The following CLMN variants were observed in gnomAD, a reference collection of about 807,000 sequenced individuals.
CLMN encodes the protein calmin, also known as calmin (calponin-like, transmembrane).
In CLMN, 57 loss-of-function variants were observed where a neutral mutation model predicts 92.7. The observed-to-expected ratio is 0.61, with a 90% CI of 0.50 to 0.77. The LOEUF (loss-of-function observed/expected upper bound fraction) is 0.77. Among genes scored for constraint, CLMN ranks in the 30% least tolerant of loss-of-function variants. The pLI is 0.00. For synonymous variants in CLMN, 466 were observed against 470.6 expected (o/e 0.99, Z 0.13); for missense variants, 1,158 against 1,237.5 (o/e 0.94, Z 0.96).
At chr14:95,193,399 G>A in intron 12 of CLMN, 1 of 1,534,060 alleles carries the variant, frequency 6.5e-7, no homozygotes, top group Non-Finnish European at 8.7e-7. Flanking sequence ...AGCTCAGTAA[G>A]CTTCTGAGTA....
intron 1 of CLMN, among the ~76,000 whole-genome samples, chr14:95,232,639 G>C (rs1311949237): frequency 6.6e-6 from 1 of 152,180 alleles, no homozygotes; most frequent in African/African-American, 2.4e-5. Context: ...TGTGTTTCAC[G>C]GGTGAGAGGG....
chr14:95,230,933 G>C (rs1284948079), intron 1 of CLMN, among the ~76,000 whole-genome samples: 3 of 152,250 alleles, frequency 2.0e-5, no homozygotes, highest in Non-Finnish European at 4.4e-5. Flanking sequence ...TCCCAGGGGA[G>C]AGCATTACCC....
chr14:95,186,645 A>ACCT lies in CLMN; in HGVS notation c.*4916_*4918dup. 1 of 152,322 alleles carries ACCT rather than the reference A, an allele frequency of 6.6e-6. No individual in the cohort carries two copies. Among genetic ancestry groups the ACCT allele is most frequent in the Non-Finnish European group, 1.5e-5 (1 of 68,046 alleles). 9.4% of individuals were successfully genotyped at this position (152,322 alleles called of 1,614,324 possible). A position where few individuals can be genotyped will look rare whatever the true frequency, so the allele number is the denominator to read the frequency against. On this transcript the variant is annotated 3_prime_UTR_variant, in exon 13 of 13. Transcript: ENST00000298912. ...AATAGCAGGATCATAGCTCACAGTA[A>ACCT]CCTCAAAGTCATGGGCTCAAACAAT...
At chr14:95,200,121 A>T (rs892776758) in intron 9 of CLMN, among the ~76,000 whole-genome samples, 5 of 152,076 alleles carry the variant, frequency 3.3e-5, no homozygotes, top group Non-Finnish European at 7.4e-5. Context: ...TCACTTTCCC[A>T]CCTGGCTCCT....
At chr14:95,208,497 G>A (rs1370686448) in intron 8 of CLMN, among the ~76,000 whole-genome samples, 1 of 152,132 alleles carries the variant, frequency 6.6e-6, no homozygotes. Context: ...TTTATGATTT[G>A]TAACATTGAT....
chr14:95,201,915 T>C (rs148429913), intron 9 of CLMN, among the ~76,000 whole-genome samples: 329 of 152,346 alleles, frequency 2.2e-3, no homozygotes, highest in African/African-American at 7.6e-3. Context: ...GAACTCATTC[T>C]TTTTTATGGC....
intron 12 of CLMN, chr14:95,193,299 TC>T (rs1255311751): frequency 2.7e-6 from 4 of 1,500,390 alleles, no homozygotes; most frequent in Non-Finnish European, 2.7e-6. Context: ...GGCCAACAGT[TC>T]TCCGACAGCA....
At chr14:95,236,395 T>G (rs903591385) in intron 1 of CLMN, among the ~76,000 whole-genome samples, 3 of 152,116 alleles carry the variant, frequency 2.0e-5, no homozygotes, top group Admixed American at 6.5e-5. Flanking sequence ...CTCGCGCAGC[T>G]TGGAATCCCT....
At chr14:95,214,512 G>C (rs1048923772) in intron 5 of CLMN, among the ~76,000 whole-genome samples, 1 of 151,904 alleles carries the variant, frequency 6.6e-6, no homozygotes, top group East Asian at 1.9e-4. Context: ...ACCATGCCTG[G>C]CTAATTTTGT....
At chr14:95,306,606 G>C (rs946524541) in intron 1 of CLMN, among the ~76,000 whole-genome samples, 24 of 152,148 alleles carry the variant, frequency 1.6e-4, no homozygotes, top group African/African-American at 5.8e-4. Flanking sequence ...ATCTAGAATA[G>C]TAAGAGAGTT....
chr14:95,236,388 G>A (rs1042548159), intron 1 of CLMN, among the ~76,000 whole-genome samples: 3 of 152,136 alleles, frequency 2.0e-5, no homozygotes, highest in Non-Finnish European at 2.9e-5. Flanking sequence ...AGAACATCTC[G>A]CGCAGCTTGG....
At chr14:95,309,504 GCCA>G (rs1483825199) in intron 1 of CLMN, among the ~76,000 whole-genome samples, 11 of 152,198 alleles carry the variant, frequency 7.2e-5, no homozygotes, top group Non-Finnish European at 1.6e-4. Context: ...TTGTCCCAGG[GCCA>G]CAGGGCATAG....
intron 1 of CLMN, among the ~76,000 whole-genome samples, chr14:95,242,541 T>A (rs1198290751): frequency 2.0e-5 from 3 of 151,272 alleles, no homozygotes; most frequent in Non-Finnish European, 4.4e-5. Context: ...ATTACAGGCA[T>A]GAGCCACCAT....
chr14:95,317,736 A>G (rs1287136238), intron 1 of CLMN, among the ~76,000 whole-genome samples: 1 of 152,214 alleles, frequency 6.6e-6, no homozygotes, highest in Non-Finnish European at 1.5e-5. Context: ...CTGAGAAAGA[A>G]GATGAATCGA....
intron 1 of CLMN, among the ~76,000 whole-genome samples, chr14:95,299,793 C>T (rs909347116): frequency 6.6e-6 from 1 of 152,194 alleles, no homozygotes; most frequent in Non-Finnish European, 1.5e-5. Flanking sequence ...CTTCCCTGCC[C>T]AACCTTTGGT....
In CLMN at chr14:95,202,993, G is replaced by A. The variant is rs564627911; in HGVS notation, c.2356C>T (p.Pro786Ser). 1 of 1,614,096 alleles carries A rather than the reference G, an allele frequency of 6.2e-7. No homozygotes were observed. The highest frequency in any genetic ancestry group is 8.5e-7 in the Non-Finnish European group (1 of 1,180,026). Residue 786 changes from proline (P) to serine (S), a missense_variant, in exon 9 of 13, where the codon CCA becomes TCA. Transcript: ENST00000298912. ...CTGGCACTGGGGAGGCTCTCTCCTG[G>A]CACCGAGGAACTGGAGCTGCTCTGA... is the stretch of plus-strand genomic sequence containing the variant. The part of the protein sequence containing the change: ...GSQSSSSSSV[P>S]GESLPSASDQ...
At chr14:95,221,819 G>C in intron 3 of CLMN, 45 bp from the exon 4 acceptor site, 3 of 1,571,446 alleles carry the variant, frequency 1.9e-6, no homozygotes, top group Non-Finnish European at 2.6e-6. Context: ...AACCCGCACA[G>C]GCACTTCCCA....
intron 1 of CLMN, among the ~76,000 whole-genome samples, chr14:95,268,734 G>C (rs1472008053): frequency 6.9e-6 from 1 of 145,630 alleles, no homozygotes; most frequent in Non-Finnish European, 1.5e-5. Context: ...CTGTAGCTAT[G>C]AAAGAGGTTA....
chr14:95,254,896 T>G (rs970113875), intron 1 of CLMN, among the ~76,000 whole-genome samples: 1 of 152,202 alleles, frequency 6.6e-6, no homozygotes, highest in Non-Finnish European at 1.5e-5. Flanking sequence ...GGTCTCGCTA[T>G]GTTGACTAGG....
Sources: gnomAD v4.1 joint callset for allele counts (sites outside exome capture counted in the v4.1 genomes callset) on GRCh38, gnomAD v4.1.1 for gene constraint, MANE v1.5 for transcripts, NCBI Gene and HGNC (gene_info 2026-07-23, HGNC 2026-07-21) for gene names.